GPC5: variants seen among roughly 807,000 people sequenced by gnomAD.
GPC5 encodes the protein glypican-5.
In GPC5, 47 loss-of-function variants were observed where a neutral mutation model predicts 53.9. The ratio of observed to expected loss-of-function variants is 0.87; its 90% CI spans 0.69 to 1.11. GPC5 has a LOEUF of 1.11. GPC5 is among the 50% of genes most tolerant of loss of function. GPC5 has a pLI of 0.00. For synonymous variants in GPC5, 286 were observed against 263.3 expected (o/e 1.09, Z -0.84); for missense variants, 748 against 713.1 (o/e 1.05, Z -0.56).
At chr13:91,590,085 C>T (rs930020089) in intron 2 of GPC5, among the ~76,000 whole-genome samples, 9 of 151,458 alleles carry the variant, frequency 5.9e-5, no homozygotes, top group Non-Finnish European at 1.0e-4. Context: ...ATATATATGA[C>T]CTTTCATATC....
intron 2 of GPC5, among the ~76,000 whole-genome samples, chr13:91,600,305 CAGAGAGAGAGAGAGAGAGAGAGAG>C (rs67108031): frequency 0.041 from 6,037 of 146,634 alleles, 369 homozygotes; most frequent in African/African-American, 0.14. Flanking sequence ...GTTCATTTTA[CAGAGAGAGAGAGAGAGAGAGAGAG>C]AGAGAGAGAG....
At chr13:92,184,843 T>C (rs1384486754) in intron 7 of GPC5, among the ~76,000 whole-genome samples, 1 of 152,138 alleles carries the variant, frequency 6.6e-6, no homozygotes, top group Non-Finnish European at 1.5e-5. Context: ...GCATACATAA[T>C]TAAGGTATTC....
At chr13:92,210,838 CA>C (rs2042369996) in intron 7 of GPC5, among the ~76,000 whole-genome samples, 2 of 152,212 alleles carry the variant, frequency 1.3e-5, no homozygotes, top group African/African-American at 4.8e-5. Flanking sequence ...GACTAAAAAA[CA>C]GGTGTGTGTT....
chr13:92,823,138 A>T (rs1877729070), intron 7 of GPC5, among the ~76,000 whole-genome samples: 1 of 152,166 alleles, frequency 6.6e-6, no homozygotes, highest in Non-Finnish European at 1.5e-5. Context: ...TGTCATTTCA[A>T]AAATATTGCT....
intron 6 of GPC5, among the ~76,000 whole-genome samples, chr13:91,961,252 T>C (rs1594689649): frequency 6.6e-6 from 1 of 151,974 alleles, no homozygotes; most frequent in Admixed American, 6.6e-5. Context: ...TCATTACACA[T>C]TCTATGCATG....
At chr13:92,836,524 CAT>C (rs1258157060) in intron 7 of GPC5, among the ~76,000 whole-genome samples, 26 of 152,004 alleles carry the variant, frequency 1.7e-4, no homozygotes, top group Non-Finnish European at 7.4e-5. Flanking sequence ...CTGTTTATGA[CAT>C]ACAAATTTAG....
chr13:92,568,844 G>A (rs1387647244), intron 7 of GPC5, among the ~76,000 whole-genome samples: 1 of 152,098 alleles, frequency 6.6e-6, no homozygotes, highest in African/African-American at 2.4e-5. Context: ...GCAAGTGGTG[G>A]AGCCAGGAAG....
At chr13:92,103,580 A>G (rs2041483474) in intron 6 of GPC5, among the ~76,000 whole-genome samples, 1 of 152,120 alleles carries the variant, frequency 6.6e-6, no homozygotes, top group Non-Finnish European at 1.5e-5. Flanking sequence ...TGGAGAACCC[A>G]AGGACCAGAG....
At chr13:91,432,311 C>A (rs1879554096) in intron 1 of GPC5, among the ~76,000 whole-genome samples, 1 of 151,284 alleles carries the variant, frequency 6.6e-6, no homozygotes, top group African/African-American at 2.4e-5. Flanking sequence ...CTTGTTGACT[C>A]CAAATTCATG....
intron 1 of GPC5, among the ~76,000 whole-genome samples, chr13:91,409,071 A>T (rs1877532910): frequency 6.6e-6 from 1 of 152,170 alleles, no homozygotes; most frequent in Non-Finnish European, 1.5e-5. Context: ...GTCAATATCA[A>T]ATTACTTGTG....
At chr13:91,611,190 G>C (rs1208514282) in intron 2 of GPC5, among the ~76,000 whole-genome samples, 1 of 152,148 alleles carries the variant, frequency 6.6e-6, no homozygotes, top group African/African-American at 2.4e-5. Flanking sequence ...GAGATATGTA[G>C]ATTAGACGAT....
At chr13:92,383,081 A>T (rs1442265709) in intron 7 of GPC5, among the ~76,000 whole-genome samples, 1 of 151,912 alleles carries the variant, frequency 6.6e-6, no homozygotes, top group Non-Finnish European at 1.5e-5. Flanking sequence ...AGACAAAAGC[A>T]TTCAGTTCAT....
At chr13:92,486,249 G>A (rs993486) in intron 7 of GPC5, among the ~76,000 whole-genome samples, 2 of 152,006 alleles carry the variant, frequency 1.3e-5, no homozygotes, top group African/African-American at 4.8e-5. Flanking sequence ...ATTGACGGAT[G>A]TCAGTGACAA....
chr13:92,138,394 C>T (rs1465021194), intron 6 of GPC5, among the ~76,000 whole-genome samples: 1 of 152,008 alleles, frequency 6.6e-6, no homozygotes, highest in Non-Finnish European at 1.5e-5. Flanking sequence ...GTGGTGTGCA[C>T]CTGTTGTCCC....
chr13:91,824,041 C>T (rs2038537147), intron 5 of GPC5, among the ~76,000 whole-genome samples: 1 of 151,898 alleles, frequency 6.6e-6, no homozygotes, highest in Admixed American at 6.6e-5. Context: ...AATGCATTAG[C>T]TAAGTAAAAC....
At chr13:92,130,166 A>G (rs774285084) in intron 6 of GPC5, among the ~76,000 whole-genome samples, 23 of 152,086 alleles carry the variant, frequency 1.5e-4, no homozygotes, top group Non-Finnish European at 2.8e-4. Flanking sequence ...AAATTTAATA[A>G]CCAGTGAAAA....
At chr13:92,103,660 G>A (rs377452051) in intron 6 of GPC5, among the ~76,000 whole-genome samples, 8 of 152,284 alleles carry the variant, frequency 5.3e-5, no homozygotes, top group Non-Finnish European at 7.4e-5. Context: ...ATGTGCATGT[G>A]TGTGCACAAG....
At chr13:92,612,759 A>G (rs1884480453) in intron 7 of GPC5, among the ~76,000 whole-genome samples, 1 of 152,134 alleles carries the variant, frequency 6.6e-6, no homozygotes, top group African/African-American at 2.4e-5. Flanking sequence ...GTTCTGTGCC[A>G]GACATTATGA....
intron 6 of GPC5, among the ~76,000 whole-genome samples, chr13:91,932,048 A>C (rs2039826597): frequency 6.8e-6 from 1 of 147,646 alleles, no homozygotes; most frequent in South Asian, 2.1e-4. Flanking sequence ...AAATTAAAGC[A>C]AAAAAGTCCA....
Sources: gnomAD v4.1 joint callset for allele counts (sites outside exome capture counted in the v4.1 genomes callset) on GRCh38, gnomAD v4.1.1 for gene constraint, MANE v1.5 for transcripts, NCBI Gene and HGNC (gene_info 2026-07-23, HGNC 2026-07-21) for gene names.